Variants in KCMF1 observed in about 807,000 individuals in gnomAD.
KCMF1 encodes E3 ubiquitin-protein ligase KCMF1.
Under a neutral mutation model 41.1 loss-of-function variants are expected in KCMF1, and 3 were observed. That is an observed-to-expected ratio of 0.07 (90% confidence interval 0.03 to 0.19). KCMF1 has a LOEUF of 0.19. KCMF1 is among the 10% of genes least tolerant of loss of function. The pLI is 1.00. For missense variants in KCMF1, 286 were observed against 488.9 expected (o/e 0.58, Z 3.91); for synonymous variants, 142 against 164.5 (o/e 0.86, Z 1.04).
chr2:84,976,034 A>C (rs1673534919), intron 1 of KCMF1, among the ~76,000 whole-genome samples: 1 of 152,170 alleles, frequency 6.6e-6, no homozygotes, highest in Non-Finnish European at 1.5e-5. Context: ...TAAGTCTGGC[A>C]AGGAAGATGC....
At chr2:85,007,713 A>G (rs1158705563) in intron 1 of KCMF1, among the ~76,000 whole-genome samples, 1 of 152,132 alleles carries the variant, frequency 6.6e-6, no homozygotes, top group African/African-American at 2.4e-5. Flanking sequence ...AATGTATGAT[A>G]TTGTGTGATT....
At chr2:84,983,571 G>C (rs1673821336) in intron 1 of KCMF1, among the ~76,000 whole-genome samples, 1 of 152,116 alleles carries the variant, frequency 6.6e-6, no homozygotes, top group East Asian at 1.9e-4. Flanking sequence ...AAAATGGCGT[G>C]ATCTCAGCTC....
chr2:85,010,467 T>C (rs1471010794), intron 1 of KCMF1, among the ~76,000 whole-genome samples: 3 of 152,114 alleles, frequency 2.0e-5, no homozygotes, highest in Non-Finnish European at 2.9e-5. Context: ...GAGACTGTCT[T>C]CAATAAAAAA....
At chr2:84,975,410 A>G (rs1488433957) in intron 1 of KCMF1, among the ~76,000 whole-genome samples, 3 of 152,172 alleles carry the variant, frequency 2.0e-5, no homozygotes, top group Non-Finnish European at 4.4e-5. Context: ...ATGGGAAATG[A>G]GTTCACAGAC....
intron 1 of KCMF1, among the ~76,000 whole-genome samples, chr2:84,989,722 A>G (rs1039994395): frequency 3.9e-5 from 6 of 152,174 alleles, no homozygotes; most frequent in African/African-American, 1.2e-4. Context: ...ATCATGATGC[A>G]TATAGAGGAC....
At chr2:85,022,911 C>T (rs1458668155) in intron 1 of KCMF1, among the ~76,000 whole-genome samples, 2 of 110,238 alleles carry the variant, frequency 1.8e-5, no homozygotes, top group Admixed American at 1.3e-4. Context: ...TTTTTTGAGA[C>T]GGAGTCTCGC....
chr2:85,018,253 T>G (rs1422153403), intron 1 of KCMF1, among the ~76,000 whole-genome samples: 2 of 151,574 alleles, frequency 1.3e-5, no homozygotes, highest in Admixed American at 6.6e-5. Flanking sequence ...TATGACACAG[T>G]ATGACTAAGC....
At position 84,971,326 on chromosome 2, in the gene KCMF1, C is replaced by T. The variant is rs2103952327; in HGVS notation, c.-126C>T. On this transcript the variant is annotated 5_prime_UTR_variant, in exon 1 of 7. Transcript: ENST00000409785. ...CGCGGGAGCGCTCCCCTGCCCACCC[C>T]GCCCCCGCGGCCGAGCCCGGGAGTC... The T allele has an allele frequency of 8.3e-6, 3 of 362,456 alleles. No homozygotes were observed. Among genetic ancestry groups the T allele is most frequent in the Middle Eastern group, 1.3e-3 (1 of 790 alleles). 22.5% of individuals were successfully genotyped at this position (362,456 alleles called of 1,614,324 possible).
chr2:84,983,538 G>A (rs372185701), intron 1 of KCMF1, among the ~76,000 whole-genome samples: 5 of 151,808 alleles, frequency 3.3e-5, no homozygotes, highest in South Asian at 4.1e-4. Context: ...ATAGAATTTC[G>A]TTCTTGTAGC....
Position 85,038,885 on chromosome 2 carries a change from T to A in KCMF1, c.324+3730T>A, listed in dbSNP as rs116278029. Among the ~76,000 whole-genome samples the A allele has an allele frequency of 4.6e-3, 693 of 152,114 alleles. 5 individuals are homozygous for A. The highest frequency in any genetic ancestry group is 0.016 in the African/African-American group (658 of 41,472). On this transcript the variant is annotated intron_variant, in intron 3 of 6. Coordinates refer to ENST00000409785, the MANE Select transcript of KCMF1 (RefSeq NM_020122.5). Reference sequence around the variant, plus strand: ...GAAGAAATAATGAAAAATACCAATTTAAAAAAAATATTTTGGTAGAGACTT... The same window carrying A: ...GAAGAAATAATGAAAAATACCAATTAAAAAAAAATATTTTGGTAGAGACTT...
In KCMF1 at chr2:85,027,957, G is replaced by T; in HGVS notation, c.85G>T (p.Asp29Tyr). 6.2e-7 allele frequency: 1 copy of T among 1,612,770 alleles called. No homozygotes were observed. Among genetic ancestry groups the T allele is most frequent in the Non-Finnish European group, 8.5e-7 (1 of 1,178,986 alleles). The stretch of plus-strand genomic sequence containing the variant: ...CAGATATAAGTGTTTAATTTGCTAC[G>T]ATTACGATCTTTGTGCATCTTGTTA... ...GRRYKCLICY[D>Y]YDLCASCYES... The change falls in exon 2 of 7, where the codon GAT (aspartate) becomes TAT (tyrosine). Residue 29 changes from aspartate (D) to tyrosine (Y), a missense_variant. Asp to Tyr is a radical substitution (Grantham distance 160). Transcript: ENST00000409785.
chr2:85,029,136 AT>A (rs1191137564), intron 2 of KCMF1, among the ~76,000 whole-genome samples: 2 of 151,560 alleles, frequency 1.3e-5, no homozygotes, highest in Admixed American at 1.3e-4. Flanking sequence ...TGCCCAGCTA[AT>A]TTTTTTGTAT....
At position 84,986,754 on chromosome 2, in the gene KCMF1, C is replaced by T. The variant is rs569183289; in HGVS notation, c.16+15287C>T. ...AAAATTAGCCAGGCGTGGTGGTGGG[C>T]ACCTGTAATCCCAGTTACTCGGGAG... On this transcript the variant is annotated intron_variant, in intron 1 of 6. Transcript: ENST00000409785. 1.2e-3 allele frequency among the ~76,000 whole-genome samples: 181 copies of T among 150,306 alleles called. 1 individual carries two copies. Among genetic ancestry groups the T allele is most frequent in the South Asian group, 5.9e-3 (28 of 4,760 alleles).
chr2:85,017,577 C>G (rs908326213), intron 1 of KCMF1, among the ~76,000 whole-genome samples: 25 of 151,628 alleles, frequency 1.6e-4, no homozygotes, highest in Admixed American at 1.4e-3. Flanking sequence ...CCCCACCCCC[C>G]CAAATCACAT....
chr2:85,026,219 G>C (rs1342713359), intron 1 of KCMF1, among the ~76,000 whole-genome samples: 1 of 151,936 alleles, frequency 6.6e-6, no homozygotes, highest in Non-Finnish European at 1.5e-5. Context: ...TTGAACTCCT[G>C]ACCTCAGGTG....
At chr2:84,993,457 C>G (rs2103979858) in intron 1 of KCMF1, among the ~76,000 whole-genome samples, 1 of 152,108 alleles carries the variant, frequency 6.6e-6, no homozygotes, top group South Asian at 2.1e-4. Context: ...TTTGTATGGA[C>G]CGAGATTAAC....
chr2:85,024,242 G>A (rs1368010243), intron 1 of KCMF1, among the ~76,000 whole-genome samples: 1 of 152,162 alleles, frequency 6.6e-6, no homozygotes, highest in Non-Finnish European at 1.5e-5. Context: ...CACTTTGGGA[G>A]GCCCAGGCGG....
intron 1 of KCMF1, among the ~76,000 whole-genome samples, chr2:85,021,173 A>G (rs1011704659): frequency 2.6e-4 from 40 of 152,194 alleles, no homozygotes; most frequent in Non-Finnish European, 8.8e-5. Context: ...ATTTGCTGAA[A>G]AATTGCTGCC....
At chr2:84,994,597 TTC>T (rs1308050355) in intron 1 of KCMF1, among the ~76,000 whole-genome samples, 1 of 151,824 alleles carries the variant, frequency 6.6e-6, no homozygotes, top group Non-Finnish European at 1.5e-5. Flanking sequence ...GAAACGGGGT[TTC>T]TCCATGTTGG....
Sources: gnomAD v4.1 joint callset for allele counts (sites outside exome capture counted in the v4.1 genomes callset) on GRCh38, gnomAD v4.1.1 for gene constraint, MANE v1.5 for transcripts, NCBI Gene and HGNC (gene_info 2026-07-23, HGNC 2026-07-21) for gene names.